Variants in TEKTIP1 observed in about 807,000 individuals in gnomAD.
TEKTIP1 encodes the protein tektin bundle-interacting protein 1.
the TEKTIP1 span, chr19:3,541,691 G>A: frequency 3.0e-6 from 3 of 985,394 alleles, no homozygotes; most frequent in Non-Finnish European, 3.6e-6. Context: ...TGTAATAACG[G>A]GGGTGAGTGC....
the TEKTIP1 span, chr19:3,543,175 A>G: frequency 6.6e-7 from 1 of 1,523,306 alleles, no homozygotes; most frequent in Admixed American, 2.0e-5. Context: ...AGACATCGCA[A>G]AGGGGTCAAA....
the TEKTIP1 span, chr19:3,541,811 C>T: frequency 1.0e-6 from 1 of 984,154 alleles, no homozygotes. Context: ...TTATTCTGTG[C>T]TGTTTTGTTT....
chr19:3,543,037 G>A, the TEKTIP1 span: 3 of 1,606,430 alleles, frequency 1.9e-6, no homozygotes, highest in Non-Finnish European at 2.5e-6. Context: ...GTGGGGAGAG[G>A]GGGAGTCAGC....
chr19:3,542,437 C>T, the TEKTIP1 span: 1 of 985,368 alleles, frequency 1.0e-6, no homozygotes, highest in East Asian at 1.1e-4. Flanking sequence ...GGACATATTC[C>T]CAAGAGCAAG....
the TEKTIP1 span, chr19:3,543,491 C>CG: frequency 3.1e-5 from 47 of 1,516,080 alleles, no homozygotes; most frequent in South Asian, 5.8e-4. Flanking sequence ...CCCCCCCCCC[C>CG]GCCCTGGGCA....
the TEKTIP1 span, chr19:3,543,503 C>T: frequency 3.8e-3 from 5,729 of 1,511,186 alleles, 15 homozygotes; most frequent in Non-Finnish European, 4.2e-3. Flanking sequence ...CCCTGGGCAG[C>T]GGGCCTGCCA....
the TEKTIP1 span, chr19:3,542,977 G>A: frequency 6.4e-7 from 1 of 1,565,444 alleles, no homozygotes; most frequent in Non-Finnish European, 8.7e-7. Flanking sequence ...GGCAAGAAAA[G>A]CTGAGAACAG....
chr19:3,543,092 A>G, the TEKTIP1 span: 1 of 1,558,902 alleles, frequency 6.4e-7, no homozygotes, highest in South Asian at 1.2e-5. Flanking sequence ...TACAGGGCTG[A>G]AGGACAGACT....
At chr19:3,540,565 C>A in the TEKTIP1 span, among the ~76,000 whole-genome samples, 1 of 151,242 alleles carries the variant, frequency 6.6e-6, no homozygotes, top group East Asian at 2.0e-4. Flanking sequence ...TGTGAGACCC[C>A]ATCTCTATAA....
chr19:3,543,267 G>A, the TEKTIP1 span: 2 of 1,547,214 alleles, frequency 1.3e-6, no homozygotes, highest in Non-Finnish European at 1.7e-6. Flanking sequence ...GGTTCCCGCT[G>A]GCCACCAGCC....
At chr19:3,542,414 G>A in the TEKTIP1 span, 4 of 985,404 alleles carry the variant, frequency 4.1e-6, no homozygotes, top group Non-Finnish European at 4.8e-6. Context: ...TGTTTTCTGG[G>A]ATGACTTCCT....
the TEKTIP1 span, chr19:3,542,670 A>G: frequency 0.012 from 13,692 of 1,164,826 alleles, 688 homozygotes; most frequent in South Asian, 0.1. Flanking sequence ...TTTAGTAGAG[A>G]TGGGGTTTTA....
chr19:3,539,279 G>C, the TEKTIP1 span: 9 of 1,517,764 alleles, frequency 5.9e-6, no homozygotes, highest in Non-Finnish European at 8.0e-6. Flanking sequence ...CTCCCTACAG[G>C]TGAGCCCCTC....
chr19:3,540,548 G>A, the TEKTIP1 span, among the ~76,000 whole-genome samples: 6 of 151,236 alleles, frequency 4.0e-5, no homozygotes, highest in East Asian at 2.0e-4. Flanking sequence ...GAGGCACCGC[G>A]CCTAGCTGTG....
the TEKTIP1 span, chr19:3,539,602 A>C: frequency 3.6e-6 from 1 of 281,194 alleles, no homozygotes; most frequent in Non-Finnish European, 6.7e-6. Flanking sequence ...TCTGTCCCAC[A>C]CCTCTTGCAG....
the TEKTIP1 span, chr19:3,542,618 T>C: frequency 2.6e-6 from 2 of 756,630 alleles, no homozygotes; most frequent in Non-Finnish European, 3.2e-6. Flanking sequence ...GGATTACAGG[T>C]GCCCCCCGCC....
chr19:3,540,423 A>G, the TEKTIP1 span, among the ~76,000 whole-genome samples: 1 of 151,490 alleles, frequency 6.6e-6, no homozygotes, highest in Non-Finnish European at 1.5e-5. Context: ...ATGCCCAGCT[A>G]ATTTTTGTAT....
At chr19:3,542,871 C>G in the TEKTIP1 span, 1 of 1,391,564 alleles carries the variant, frequency 7.2e-7, no homozygotes, top group South Asian at 1.1e-5. Flanking sequence ...GGGGGGCTTC[C>G]CAGAGGAAGG....
At chr19:3,542,917 G>A in the TEKTIP1 span, 1 of 1,442,262 alleles carries the variant, frequency 6.9e-7, no homozygotes, top group South Asian at 1.1e-5. Flanking sequence ...AAGGACTGTA[G>A]GAATCCAGGA....
Sources: gnomAD v4.1 joint callset for allele counts (sites outside exome capture counted in the v4.1 genomes callset) on GRCh38, gnomAD v4.1.1 for gene constraint, MANE v1.5 for transcripts, NCBI Gene and HGNC (gene_info 2026-07-23, HGNC 2026-07-21) for gene names.